The following AHI1 variants were observed in gnomAD, a reference collection of about 807,000 sequenced individuals.
AHI1 encodes the protein jouberin.
Under a neutral mutation model 149.3 loss-of-function variants are expected in AHI1, and 123 were observed. That is an observed-to-expected ratio of 0.82 (90% CI 0.71 to 0.96). The LOEUF (loss-of-function observed/expected upper bound fraction) is 0.96. Among genes scored for constraint, AHI1 ranks in the 40% least tolerant of loss-of-function variants. The pLI is 0.00. For missense variants in AHI1, 1,439 were observed against 1,422.7 expected (o/e 1.01, Z -0.18); for synonymous variants, 475 against 459.8 (o/e 1.03, Z -0.42).
rs554630041 is a variant in AHI1, at chr6:135,439,524, C to T, written c.1913-1026G>A. Among the ~76,000 whole-genome samples the T allele has an allele frequency of 1.2e-4, 19 of 152,146 alleles. No individual in the cohort carries two copies. The East Asian group carries it at 3.1e-3, about 25-fold the overall frequency. On this transcript the variant is annotated intron_variant, in intron 14 of 28. Coordinates refer to ENST00000265602, the MANE Select transcript of AHI1 (RefSeq NM_001134831.2). ...TATGCCAAAGGGAAATGATAAAGTA[C>T]TTCCTTTGACTGAAAAGGTGAAAGT...
chr6:135,402,656 C>A (rs565590306), intron 22 of AHI1, among the ~76,000 whole-genome samples: 5 of 152,176 alleles, frequency 3.3e-5, no homozygotes, highest in African/African-American at 1.2e-4. Flanking sequence ...CAAGACCAAA[C>A]CCTCATTTTC....
At chr6:135,331,670 T>C (rs377617829) in intron 24 of AHI1, among the ~76,000 whole-genome samples, 61 of 152,352 alleles carry the variant, frequency 4.0e-4, no homozygotes, top group African/African-American at 1.3e-3. Context: ...AATCCAATAA[T>C]TGATGTTCGT....
chr6:135,410,313 T>C (rs973966943), intron 21 of AHI1, among the ~76,000 whole-genome samples: 8 of 152,138 alleles, frequency 5.3e-5, no homozygotes, highest in Non-Finnish European at 1.2e-4. Context: ...GAGACTGCAG[T>C]GAGCAATGAT....
chr6:135,400,619 T>C (rs1320957167), intron 22 of AHI1, among the ~76,000 whole-genome samples: 4 of 152,188 alleles, frequency 2.6e-5, no homozygotes. Flanking sequence ...TAATTTATAA[T>C]CTAATGTCAA....
At chr6:135,390,921 T>G (rs749218489) in intron 23 of AHI1, among the ~76,000 whole-genome samples, 1 of 152,256 alleles carries the variant, frequency 6.6e-6, no homozygotes, top group Non-Finnish European at 1.5e-5. Context: ...GAAACAGTTT[T>G]GAGATACAAT....
chr6:135,348,582 G>GA (rs931630462), intron 24 of AHI1, among the ~76,000 whole-genome samples: 19 of 151,762 alleles, frequency 1.3e-4, no homozygotes, highest in African/African-American at 4.6e-4. Context: ...TTGCCTGCAG[G>GA]AAAAAAAATT....
intron 23 of AHI1, among the ~76,000 whole-genome samples, chr6:135,384,077 T>C (rs988004781): frequency 1.4e-4 from 22 of 152,244 alleles, no homozygotes; most frequent in African/African-American, 5.3e-4. Context: ...TTCTACTTTA[T>C]ATAATAAAAA....
chr6:135,467,297 C>T (rs937669525), intron 6 of AHI1, among the ~76,000 whole-genome samples: 6 of 152,026 alleles, frequency 3.9e-5, no homozygotes, highest in Admixed American at 1.3e-4. Context: ...AGGAAAGCCA[C>T]CAAATCAAAT....
At position 135,360,246 on chromosome 6, in the gene AHI1, T is replaced by C. The variant is rs75026267; in HGVS notation, c.3110-2059A>G. Reference sequence around the variant, plus strand: ...GCTATAATGGTTAGTATTATATGTCTACTTAGCTAGGCCATGGTACCCAGA... The same window carrying C: ...GCTATAATGGTTAGTATTATATGTCCACTTAGCTAGGCCATGGTACCCAGA... On this transcript the variant is annotated intron_variant, in intron 23 of 28. Coordinates refer to ENST00000265602, the MANE Select transcript of AHI1 (RefSeq NM_001134831.2). 5.4e-3 allele frequency among the ~76,000 whole-genome samples: 826 copies of C among 152,334 alleles called. 4 individuals carry two copies. The highest frequency in any genetic ancestry group is 7.9e-3 in the Non-Finnish European group (537 of 68,022).
At chr6:135,494,860 G>A (rs1463464993) in intron 3 of AHI1, among the ~76,000 whole-genome samples, 1 of 152,222 alleles carries the variant, frequency 6.6e-6, no homozygotes, top group Non-Finnish European at 1.5e-5. Flanking sequence ...AAGTTTTAAA[G>A]GAGATGTTGC....
At chr6:135,449,211 G>T (rs1787718407) in intron 11 of AHI1, among the ~76,000 whole-genome samples, 1 of 151,984 alleles carries the variant, frequency 6.6e-6, no homozygotes, top group African/African-American at 2.4e-5. Context: ...ACCACACCTG[G>T]TTGATTTTTG....
chr6:135,307,493 T>G (rs1263195957), intron 26 of AHI1, among the ~76,000 whole-genome samples: 1 of 152,122 alleles, frequency 6.6e-6, no homozygotes, highest in African/African-American at 2.4e-5. Context: ...TATATCTTTA[T>G]GTAAAATTCT....
At chr6:135,321,959 G>A (rs1786904439) in intron 25 of AHI1, among the ~76,000 whole-genome samples, 1 of 152,042 alleles carries the variant, frequency 6.6e-6, no homozygotes, top group African/African-American at 2.4e-5. Context: ...CCACCACCAC[G>A]CCTGGCTCAT....
rs1322990894 is a variant in AHI1, at chr6:135,341,304, T to C, written c.3165+16828A>G. On this transcript the variant is annotated intron_variant, in intron 24 of 28. Transcript: ENST00000265602. ...AATCAAAAGAGAACTGGAGTGGCTA[T>C]TCTAATATCAGGCAAAATAGACTTT... 4.6e-5 allele frequency among the ~76,000 whole-genome samples: 7 copies of C among 152,036 alleles called. 1 individual carries two copies. In the South Asian group the frequency reaches 1.2e-3, roughly 27 times the overall value.
At chr6:135,431,475 CACAA>C (rs1784652851) in intron 16 of AHI1, among the ~76,000 whole-genome samples, 161 bp from the exon 17 acceptor site, 1 of 152,058 alleles carries the variant, frequency 6.6e-6, no homozygotes, top group African/African-American at 2.4e-5. Context: ...AAATGTAACT[CACAA>C]ACAAACCCCA....
At chr6:135,456,522 G>T (rs1788975647) in intron 9 of AHI1, among the ~76,000 whole-genome samples, 1 of 148,928 alleles carries the variant, frequency 6.7e-6, no homozygotes, top group South Asian at 2.1e-4. Flanking sequence ...TCCAGCCAGT[G>T]AGACGCAGTG....
At chr6:135,496,975 T>C (rs939666134) in intron 2 of AHI1, among the ~76,000 whole-genome samples, 1 of 152,224 alleles carries the variant, frequency 6.6e-6, no homozygotes, top group South Asian at 2.1e-4. Context: ...ACAGCAACTG[T>C]TAATGCAACA....
intron 24 of AHI1, among the ~76,000 whole-genome samples, chr6:135,352,856 T>C (rs1792370851): frequency 6.7e-6 from 1 of 150,214 alleles, no homozygotes; most frequent in Non-Finnish European, 1.5e-5. Context: ...AGTATTTCCA[T>C]ACCTCACCAG....
intron 23 of AHI1, among the ~76,000 whole-genome samples, chr6:135,372,105 G>C (rs1449414852): frequency 6.6e-6 from 1 of 152,186 alleles, no homozygotes; most frequent in African/African-American, 2.4e-5. Context: ...TTGGGAGATG[G>C]CTGTAACTTG....
Sources: gnomAD v4.1 joint callset for allele counts (sites outside exome capture counted in the v4.1 genomes callset) on GRCh38, gnomAD v4.1.1 for gene constraint, MANE v1.5 for transcripts, NCBI Gene and HGNC (gene_info 2026-07-23, HGNC 2026-07-21) for gene names.